AFG2A: variants seen among roughly 807,000 people sequenced by gnomAD.
AFG2A encodes AAA ATPase AFG2A, also known as ATPase family gene 2 protein homolog A.
the AFG2A span, among the ~76,000 whole-genome samples, chr4:123,091,739 A>G: frequency 3.3e-5 from 5 of 152,200 alleles, no homozygotes; most frequent in Admixed American, 2.0e-4. Flanking sequence ...TCCCTAGGTC[A>G]TAATTTAATA....
the AFG2A span, among the ~76,000 whole-genome samples, chr4:123,193,158 C>G: frequency 6.6e-6 from 1 of 152,174 alleles, no homozygotes; most frequent in Non-Finnish European, 1.5e-5. Flanking sequence ...AAACATTGCA[C>G]ATTAACCCAG....
At chr4:123,087,332 G>A in the AFG2A span, among the ~76,000 whole-genome samples, 40 of 152,168 alleles carry the variant, frequency 2.6e-4, no homozygotes, top group African/African-American at 9.2e-4. Flanking sequence ...GCTAGATGGA[G>A]CTGGAGTTTT....
At chr4:123,101,034 A>G in the AFG2A span, among the ~76,000 whole-genome samples, 1 of 151,930 alleles carries the variant, frequency 6.6e-6, no homozygotes, top group Non-Finnish European at 1.5e-5. Context: ...CCAACTTGTC[A>G]ACTGTGGGAT....
chr4:122,963,498 T>G, the AFG2A span, among the ~76,000 whole-genome samples: 2 of 152,226 alleles, frequency 1.3e-5, no homozygotes, highest in Non-Finnish European at 1.5e-5. Flanking sequence ...ACTAACACAT[T>G]TCTTCCTCAC....
chr4:123,138,645 T>G, the AFG2A span, among the ~76,000 whole-genome samples: 1 of 152,114 alleles, frequency 6.6e-6, no homozygotes, highest in African/African-American at 2.4e-5. Flanking sequence ...TGTAACACTT[T>G]AATTATCTAT....
At chr4:123,060,416 A>G in the AFG2A span, among the ~76,000 whole-genome samples, 2 of 152,204 alleles carry the variant, frequency 1.3e-5, no homozygotes, top group African/African-American at 2.4e-5. Flanking sequence ...GGGATTTCCA[A>G]CATCTTCTGA....
At chr4:123,058,056 A>G in the AFG2A span, among the ~76,000 whole-genome samples, 1 of 152,188 alleles carries the variant, frequency 6.6e-6, no homozygotes, top group South Asian at 2.1e-4. Flanking sequence ...TGCTGTTATC[A>G]TCCTTCTTAA....
At chr4:123,079,076 C>T in the AFG2A span, among the ~76,000 whole-genome samples, 17 of 152,172 alleles carry the variant, frequency 1.1e-4, no homozygotes, top group African/African-American at 4.1e-4. Flanking sequence ...TATAACACTC[C>T]TTGAGGGAAT....
the AFG2A span, among the ~76,000 whole-genome samples, chr4:123,084,168 G>C: frequency 6.6e-6 from 1 of 152,028 alleles, no homozygotes; most frequent in East Asian, 1.9e-4. Context: ...TGTCATATCT[G>C]ATATTAGGAA....
the AFG2A span, chr4:122,979,106 C>A: frequency 8.8e-7 from 1 of 1,134,154 alleles, no homozygotes; most frequent in Non-Finnish European, 1.2e-6. Context: ...GCAGCCCTGG[C>A]CACGCCTCCC....
chr4:123,313,781 A>G, the AFG2A span: 1 of 1,048,328 alleles, frequency 9.5e-7, no homozygotes, highest in Non-Finnish European at 1.3e-6. Flanking sequence ...AGCAATGGGC[A>G]TTTAGTTGTA....
At chr4:123,283,283 T>C in the AFG2A span, among the ~76,000 whole-genome samples, 1 of 152,102 alleles carries the variant, frequency 6.6e-6, no homozygotes, top group African/African-American at 2.4e-5. Flanking sequence ...TGGTTAGATA[T>C]CATTTGACTT....
chr4:123,277,034 T>G, the AFG2A span, among the ~76,000 whole-genome samples: 10 of 152,224 alleles, frequency 6.6e-5, no homozygotes, highest in Non-Finnish European at 5.9e-5. Flanking sequence ...ATTCGTAATT[T>G]GATAGGAATA....
At chr4:122,934,749 T>C in the AFG2A span, 3 of 1,538,782 alleles carry the variant, frequency 1.9e-6, no homozygotes, top group Non-Finnish European at 2.6e-6. Context: ...GTATGATGTC[T>C]TCAGTTTATT....
At chr4:122,958,319 G>T in the AFG2A span, among the ~76,000 whole-genome samples, 4 of 152,164 alleles carry the variant, frequency 2.6e-5, no homozygotes, top group Admixed American at 6.5e-5. Context: ...TTTTCAGGAG[G>T]TGTTTTCATT....
the AFG2A span, among the ~76,000 whole-genome samples, chr4:123,105,497 T>G: frequency 6.6e-6 from 1 of 152,134 alleles, no homozygotes; most frequent in African/African-American, 2.4e-5. Context: ...AAGAAATACG[T>G]TTCTTAAGGC....
At chr4:123,063,512 C>T in the AFG2A span, among the ~76,000 whole-genome samples, 5 of 152,126 alleles carry the variant, frequency 3.3e-5, no homozygotes, top group Middle Eastern at 3.4e-3. Flanking sequence ...TTTGGGAGGC[C>T]GAAGTGGGCG....
chr4:122,954,213 G>A, the AFG2A span, among the ~76,000 whole-genome samples: 16 of 152,240 alleles, frequency 1.1e-4, no homozygotes, highest in African/African-American at 3.8e-4. Flanking sequence ...GGCATGCGAT[G>A]TATGCCATTC....
chr4:122,963,902 C>T, the AFG2A span, among the ~76,000 whole-genome samples: 1 of 152,108 alleles, frequency 6.6e-6, no homozygotes, highest in Non-Finnish European at 1.5e-5. Context: ...TCCCTGTCTC[C>T]AGTAAAAACC....
Sources: gnomAD v4.1 joint callset for allele counts (sites outside exome capture counted in the v4.1 genomes callset) on GRCh38, gnomAD v4.1.1 for gene constraint, MANE v1.5 for transcripts, NCBI Gene and HGNC (gene_info 2026-07-23, HGNC 2026-07-21) for gene names.